EFNA5: variants seen among roughly 807,000 people sequenced by gnomAD.
EFNA5 encodes the protein ephrin A5.
Under a neutral mutation model 22.9 loss-of-function variants are expected in EFNA5, and 5 were observed. That is an observed-to-expected ratio of 0.22 (90% confidence interval 0.11 to 0.46). The LOEUF is 0.46. Among genes scored for constraint, EFNA5 ranks in the 20% least tolerant of loss-of-function variants. The pLI, the probability that EFNA5 is intolerant of heterozygous loss-of-function variation, is 0.99. For missense variants in EFNA5, 237 were observed against 293.3 expected (o/e 0.81, Z 1.40); for synonymous variants, 113 against 112.2 (o/e 1.01, Z -0.04).
intron 2 of EFNA5, among the ~76,000 whole-genome samples, chr5:107,408,583 T>C (rs1271644783): frequency 6.6e-6 from 1 of 152,230 alleles, no homozygotes; most frequent in African/African-American, 2.4e-5. Flanking sequence ...CATTAATTAT[T>C]TCTTTCTACT....
chr5:107,668,432 T>C (rs1751118367), intron 1 of EFNA5, among the ~76,000 whole-genome samples: 1 of 152,168 alleles, frequency 6.6e-6, no homozygotes, highest in Admixed American at 6.5e-5. Context: ...AAAACAGAGA[T>C]AACCTAAGAT....
At chr5:107,476,057 T>TATATATATATATATATATATATATGTA in intron 1 of EFNA5, among the ~76,000 whole-genome samples, 2 of 100,432 alleles carry the variant, frequency 2.0e-5, no homozygotes, top group Admixed American at 1.1e-4. Context: ...TATATATATA[T>TATATATATATATATATATATATATGTA]TTTTTTTTTT....
intron 2 of EFNA5, among the ~76,000 whole-genome samples, chr5:107,408,780 C>T (rs956742388): frequency 1.3e-5 from 2 of 152,206 alleles, no homozygotes; most frequent in African/African-American, 2.4e-5. Context: ...CCTGGCCTCC[C>T]ACACAGACAG....
At chr5:107,465,812 A>G (rs1276702047) in intron 1 of EFNA5, among the ~76,000 whole-genome samples, 1 of 151,988 alleles carries the variant, frequency 6.6e-6, no homozygotes, top group Non-Finnish European at 1.5e-5. Context: ...TCACAAAGAT[A>G]CACACACAAT....
chr5:107,469,655 CTTTA>C (rs1158590088), intron 1 of EFNA5, among the ~76,000 whole-genome samples: 1 of 151,728 alleles, frequency 6.6e-6, no homozygotes, highest in South Asian at 2.1e-4. Flanking sequence ...ACTGCCCCCC[CTTTA>C]TTTTTTTTTT....
At chr5:107,383,191 C>T (rs1747517426) in intron 4 of EFNA5, among the ~76,000 whole-genome samples, 1 of 152,148 alleles carries the variant, frequency 6.6e-6, no homozygotes, top group Non-Finnish European at 1.5e-5. Flanking sequence ...CTACTGCATC[C>T]CCTTGTCAAA....
chr5:107,453,286 T>A (rs7710592), intron 1 of EFNA5, among the ~76,000 whole-genome samples: 3,815 of 152,226 alleles, frequency 0.025, 143 homozygotes, highest in African/African-American at 0.086. Flanking sequence ...AAAAACTTCC[T>A]ATAGTTGGTA....
chr5:107,411,292 T>C (rs1164523912), intron 2 of EFNA5, among the ~76,000 whole-genome samples: 1 of 152,202 alleles, frequency 6.6e-6, no homozygotes, highest in Non-Finnish European at 1.5e-5. Flanking sequence ...TCTGCCTATT[T>C]TGCATCACTA....
Position 107,381,156 on chromosome 5 carries a change from A to T in EFNA5, c.*99T>A. On this transcript the variant is annotated 3_prime_UTR_variant, in exon 5 of 5. Transcript: ENST00000333274. ...AAACAAAAATCTGACATCTGCCAAAACCCAATAACAAGTCCCTTCTTAGGA... is the reference window on the plus strand; with the variant it reads ...AAACAAAAATCTGACATCTGCCAAATCCCAATAACAAGTCCCTTCTTAGGA... 6.9e-7 allele frequency: 1 copy of T among 1,456,822 alleles called. No homozygotes were observed. 90.2% of individuals were successfully genotyped at this position (1,456,822 alleles called of 1,614,324 possible). A position where few individuals can be genotyped will look rare whatever the true frequency, so the allele number is the denominator to read the frequency against.
chr5:107,614,546 C>T (rs147187410), intron 1 of EFNA5, among the ~76,000 whole-genome samples: 44 of 152,156 alleles, frequency 2.9e-4, no homozygotes, highest in African/African-American at 9.4e-4. Context: ...GTCATGTGTC[C>T]ATTTATCATT....
intron 1 of EFNA5, among the ~76,000 whole-genome samples, chr5:107,527,314 TCGGG>T (rs199966494): frequency 0.011 from 1,672 of 150,458 alleles, 28 homozygotes; most frequent in African/African-American, 0.039. Flanking sequence ...AGATGGAGTC[TCGGG>T]CACTGTTGCC....
At chr5:107,583,253 G>A (rs1394589169) in intron 1 of EFNA5, among the ~76,000 whole-genome samples, 1 of 152,130 alleles carries the variant, frequency 6.6e-6, no homozygotes, top group African/African-American at 2.4e-5. Context: ...AGCATCCTAA[G>A]AGAATGTCCA....
intron 2 of EFNA5, among the ~76,000 whole-genome samples, chr5:107,404,431 T>C (rs1748158460): frequency 6.6e-6 from 1 of 152,344 alleles, no homozygotes; most frequent in East Asian, 1.9e-4. Context: ...ACATGGAGCT[T>C]GGTGGAAGCA....
chr5:107,517,223 G>C lies in EFNA5; in HGVS notation c.126-89714C>G, dbSNP rs553644703. 1.9e-4 allele frequency among the ~76,000 whole-genome samples: 29 copies of C among 152,050 alleles called. No homozygotes were observed. In the South Asian group the frequency reaches 5.6e-3, roughly 29 times the overall value. On this transcript the variant is annotated intron_variant, in intron 1 of 4. Coordinates refer to ENST00000333274, the MANE Select transcript of EFNA5 (RefSeq NM_001962.3). ...AAGCTTACAGGTTATAGGGTGCAGGGAGGAGAAACTAGAAGACAATGATGC... is the reference window on the plus strand; with the variant it reads ...AAGCTTACAGGTTATAGGGTGCAGGCAGGAGAAACTAGAAGACAATGATGC...
chr5:107,664,567 G>A (rs75996978), intron 1 of EFNA5, among the ~76,000 whole-genome samples: 2,095 of 152,224 alleles, frequency 0.014, 50 homozygotes, highest in African/African-American at 0.047. Flanking sequence ...GGCTGTCTAA[G>A]ACCACCATCG....
rs1389797090 is a variant in EFNA5 at position 107,599,174 on chromosome 5, C to T, written c.125+71315G>A. 3.3e-5 allele frequency among the ~76,000 whole-genome samples: 5 copies of T among 152,276 alleles called. No individual in the cohort carries two copies. The East Asian group carries it at 5.8e-4, about 18-fold the overall frequency. On this transcript the variant is annotated intron_variant, in intron 1 of 4. Coordinates refer to ENST00000333274, the MANE Select transcript of EFNA5 (RefSeq NM_001962.3). ...GATGTGTGTACAAGGTTATTCATTA[C>T]AGCATTGTTTATACAGCAAAATACT...
At chr5:107,534,736 G>A (rs1747894804) in intron 1 of EFNA5, among the ~76,000 whole-genome samples, 1 of 152,162 alleles carries the variant, frequency 6.6e-6, no homozygotes, top group Non-Finnish European at 1.5e-5. Context: ...GAATTGGGGT[G>A]AAATGAACAG....
intron 1 of EFNA5, among the ~76,000 whole-genome samples, chr5:107,510,516 C>A (rs576167857): frequency 6.6e-6 from 1 of 152,166 alleles, no homozygotes; most frequent in Non-Finnish European, 1.5e-5. Flanking sequence ...AAACTCCTTG[C>A]GAGATCCAAG....
chr5:107,514,683 A>G (rs1418568002), intron 1 of EFNA5, among the ~76,000 whole-genome samples: 1 of 152,142 alleles, frequency 6.6e-6, no homozygotes, highest in East Asian at 1.9e-4. Flanking sequence ...TTATTCTTCA[A>G]AGGAGGAGAA....
Sources: gnomAD v4.1 joint callset for allele counts (sites outside exome capture counted in the v4.1 genomes callset) on GRCh38, gnomAD v4.1.1 for gene constraint, MANE v1.5 for transcripts, NCBI Gene and HGNC (gene_info 2026-07-23, HGNC 2026-07-21) for gene names.